Variants in MAU2 observed in about 807,000 individuals in gnomAD.
MAU2 encodes the protein MAU2 sister chromatid cohesion factor.
MAU2 carries 9 observed loss-of-function variants against 89.1 expected under a neutral mutation model. The ratio of observed to expected loss-of-function variants is 0.10; its 90% confidence interval spans 0.06 to 0.18. MAU2 has a LOEUF of 0.18. MAU2 is among the 10% of genes least tolerant of loss of function. The pLI, the probability that MAU2 is intolerant of heterozygous loss-of-function variation, is 1.00. For missense variants in MAU2, 425 were observed against 803.5 expected, an observed-to-expected ratio of 0.53 and a Z score of 5.69; for synonymous variants, 357 against 343.4, an observed-to-expected ratio of 1.04 and a Z score of -0.44.
chr19:19,325,866 C>T (rs1276892168), intron 1 of MAU2, among the ~76,000 whole-genome samples: 1 of 152,184 alleles, frequency 6.6e-6, no homozygotes, highest in African/African-American at 2.4e-5. Flanking sequence ...GTGCTACATC[C>T]AGCTTTCCTA....
At chr19:19,348,634 A>G (rs1286856604) in intron 13 of MAU2, 3 of 612,022 alleles carry the variant, frequency 4.9e-6, no homozygotes, top group Non-Finnish European at 8.8e-6. Context: ...TGACCATACA[A>G]AGGCCTTCTG....
chr19:19,343,262 T>A (rs970193315), intron 9 of MAU2, among the ~76,000 whole-genome samples: 1 of 152,174 alleles, frequency 6.6e-6, no homozygotes, highest in Non-Finnish European at 1.5e-5. Context: ...GTCTAATCCA[T>A]CCAGGGACCT....
rs2055571478 is a variant in MAU2, at chr19:19,355,852, C to T, written c.*70C>T. On this transcript the variant is annotated 3_prime_UTR_variant, in exon 19 of 19. Coordinates refer to ENST00000262815, the MANE Select transcript of MAU2 (RefSeq NM_015329.4). ...GGCTTCCACCCAGACGGCACTCAAG[C>T]CTGCCCCCGAGGCGTGCTTCCTTCC... The T allele has an allele frequency of 1.4e-6, 2 of 1,405,196 alleles. No individual in the cohort carries two copies. The highest frequency in any genetic ancestry group is 1.8e-4 in the Middle Eastern group (1 of 5,700). The allele number at this position is 1,405,196 out of a possible 1,614,324, so 87.0% of individuals were successfully genotyped here.
chr19:19,347,221 C>A, intron 12 of MAU2, 59 bp from the exon 13 acceptor site: 1 of 1,056,190 alleles, frequency 9.5e-7, no homozygotes, highest in Non-Finnish European at 1.5e-6. Context: ...TGCTCTGACA[C>A]TGCCACATGG....
At chr19:19,322,242 C>A (rs1212801022) in intron 1 of MAU2, among the ~76,000 whole-genome samples, 4 of 152,132 alleles carry the variant, frequency 2.6e-5, no homozygotes, top group African/African-American at 9.7e-5. Flanking sequence ...TCATGATCTG[C>A]CCACCTCGGC....
Position 19,356,027 on chromosome 19 carries a change from C to T in MAU2, c.*245C>T, listed in dbSNP as rs533011299. The T allele has an allele frequency of 2.3e-4, 147 of 647,004 alleles. No individual in the cohort carries two copies. Among genetic ancestry groups the T allele is most frequent in the African/African-American group, 2.1e-3 (115 of 56,076 alleles). 40.1% of individuals were successfully genotyped at this position (647,004 alleles called of 1,614,324 possible). ...CAGGCGCTGTCTCTCCAGAGCCATC[C>T]TTCAGAGTGGACCTCAGTGCCAGTC... On this transcript the variant is annotated 3_prime_UTR_variant, in exon 19 of 19. Transcript: ENST00000262815.
intron 1 of MAU2, among the ~76,000 whole-genome samples, chr19:19,332,111 A>G (rs1002571023): frequency 6.6e-6 from 1 of 152,200 alleles, no homozygotes; most frequent in Admixed American, 6.5e-5. Flanking sequence ...CACCTACTGG[A>G]TGTCAGCTTG....
At chr19:19,343,637 T>G (rs557059889) in intron 9 of MAU2, among the ~76,000 whole-genome samples, 200 bp from the exon 10 acceptor site, 2 of 152,300 alleles carry the variant, frequency 1.3e-5, no homozygotes, top group East Asian at 1.9e-4. Flanking sequence ...GGAACCAACC[T>G]CTGGCTCCAG....
chr19:19,341,820 T>C (rs2061649906), intron 7 of MAU2, among the ~76,000 whole-genome samples: 1 of 152,168 alleles, frequency 6.6e-6, no homozygotes, highest in African/African-American at 2.4e-5. Flanking sequence ...CTCAGCCATG[T>C]CCGAGACTGG....
chr19:19,330,984 C>A (rs1364475799), intron 1 of MAU2, among the ~76,000 whole-genome samples: 1 of 152,120 alleles, frequency 6.6e-6, no homozygotes, highest in East Asian at 1.9e-4. Context: ...CTGAATCCTC[C>A]AGGCACCAGA....
At chr19:19,348,963 A>G (rs372090595) in intron 14 of MAU2, 25 bp downstream of exon 14, 3 of 1,611,308 alleles carry the variant, frequency 1.9e-6, no homozygotes, top group Non-Finnish European at 2.5e-6. Flanking sequence ...GCACCACTCC[A>G]CGCACGGCCT....
At chr19:19,349,831 C>G (rs957105511) in intron 16 of MAU2, among the ~76,000 whole-genome samples, 8 of 152,190 alleles carry the variant, frequency 5.3e-5, no homozygotes, top group African/African-American at 1.9e-4. Context: ...TCATCCTTGG[C>G]CAACACAGTG....
At position 19,345,232 on chromosome 19, in the gene MAU2, G is replaced by C; in HGVS notation, c.1156-72G>C. On this transcript the variant is annotated intron_variant, in intron 11 of 18. Transcript: ENST00000262815. This position sits in a 1 kb window ranked among gnomAD's most constrained non-coding sequence, Gnocchi z 4.9. ...TCCAGGGCAGCCGTGCAGGCCCCGG[G>C]CACACCACGTGTCTCTGATCTGAGC... 7.3e-7 allele frequency: 1 copy of C among 1,378,610 alleles called. No individual in the cohort carries two copies. The highest frequency in any genetic ancestry group is 1.0e-6 in the Non-Finnish European group (1 of 968,276). The allele number at this position is 1,378,610 out of a possible 1,614,324, so 85.4% of individuals were successfully genotyped here. A position where few individuals can be genotyped will look rare whatever the true frequency, so the allele number is the denominator to read the frequency against.
chr19:19,342,083 C>T (rs1026138907), intron 7 of MAU2, among the ~76,000 whole-genome samples: 6 of 152,208 alleles, frequency 3.9e-5, no homozygotes, highest in Admixed American at 6.5e-5. Context: ...AGACTGCAGC[C>T]ACGCTTCCCT....
Position 19,326,578 on chromosome 19 carries a change from C to T in MAU2, c.276+5443C>T, listed in dbSNP as rs977009673. On this transcript the variant is annotated intron_variant, in intron 1 of 18. Coordinates refer to ENST00000262815, the MANE Select transcript of MAU2 (RefSeq NM_015329.4). Reference sequence around the variant, plus strand: ...GCGGGCGCCTGTAGTCCCAGCTACTCGGGAGGCTGAGGCAGGAGAATGGCG... The same window carrying T: ...GCGGGCGCCTGTAGTCCCAGCTACTTGGGAGGCTGAGGCAGGAGAATGGCG... 2.7e-5 allele frequency among the ~76,000 whole-genome samples: 4 copies of T among 150,684 alleles called. No individual in the cohort carries two copies. The East Asian group carries it at 5.9e-4, about 22-fold the overall frequency.
At position 19,356,394 on chromosome 19, in the gene MAU2, C is replaced by A; in HGVS notation, c.*612C>A. The stretch of plus-strand genomic sequence containing the variant: ...CTCAGGGACCCAGGAACTCAGCTTC[C>A]AAACATCTGCACCTTGACCGGACTC... On this transcript the variant is annotated 3_prime_UTR_variant, in exon 19 of 19. Transcript: ENST00000262815. The A allele has an allele frequency of 3.4e-6, 1 of 291,602 alleles. No individual in the cohort carries two copies. The allele number at this position is 291,602 out of a possible 1,614,324, so 18.1% of individuals were successfully genotyped here. A position where few individuals can be genotyped will look rare whatever the true frequency, so the allele number is the denominator to read the frequency against.
intron 17 of MAU2, among the ~76,000 whole-genome samples, chr19:19,354,966 G>T (rs751005139): frequency 3.3e-5 from 5 of 152,206 alleles, no homozygotes; most frequent in African/African-American, 4.8e-5. Context: ...TGGGCATTGG[G>T]CGTCCTGCCC....
intron 4 of MAU2, among the ~76,000 whole-genome samples, chr19:19,337,973 C>T (rs1287509707): frequency 6.6e-6 from 1 of 152,244 alleles, no homozygotes; most frequent in Non-Finnish European, 1.5e-5. Context: ...CATACTTCTG[C>T]ACTGGGGACC....
At chr19:19,325,653 A>G (rs966078428) in intron 1 of MAU2, among the ~76,000 whole-genome samples, 1 of 151,742 alleles carries the variant, frequency 6.6e-6, no homozygotes, top group African/African-American at 2.4e-5. Context: ...CTAATTTTGT[A>G]TTTTTAGTAG....
Sources: gnomAD v4.1 joint callset for allele counts (sites outside exome capture counted in the v4.1 genomes callset) on GRCh38, gnomAD v4.1.1 for gene constraint, Gnocchi (gnomAD v3.1) non-coding constraint, MANE v1.5 for transcripts, NCBI Gene and HGNC (gene_info 2026-07-23, HGNC 2026-07-21) for gene names.